DSCAM: variants seen among roughly 807,000 people sequenced by gnomAD.
DSCAM encodes the protein cell adhesion molecule DSCAM.
A neutral mutation model predicts 217.7 loss-of-function variants in DSCAM; 47 were observed. That is an observed-to-expected ratio of 0.22 (90% CI 0.17 to 0.28). The LOEUF is 0.28. Among genes scored for constraint, DSCAM ranks in the 10% least tolerant of loss-of-function variants. The pLI is 1.00. For missense variants in DSCAM, 2,080 were observed against 2,618.3 expected (o/e 0.79, Z 4.49); for synonymous variants, 1,056 against 1,015.3 (o/e 1.04, Z -0.76).
intron 27 of DSCAM, 67 bp downstream of exon 27, chr21:40,074,970 G>A (rs1398508432): frequency 2.0e-6 from 3 of 1,534,308 alleles, no homozygotes; most frequent in Non-Finnish European, 2.7e-6. Flanking sequence ...TCTCCAGCTG[G>A]CATCTCTCCC....
chr21:40,278,199 T>G (rs1341994399), intron 10 of DSCAM, among the ~76,000 whole-genome samples: 1 of 152,166 alleles, frequency 6.6e-6, no homozygotes, highest in Admixed American at 6.5e-5. Flanking sequence ...CACTGAAAAT[T>G]GTAAAAGTTG....
At chr21:40,224,533 G>C (rs1178726565) in intron 11 of DSCAM, among the ~76,000 whole-genome samples, 2 of 152,176 alleles carry the variant, frequency 1.3e-5, no homozygotes, top group African/African-American at 4.8e-5. Flanking sequence ...GCTCTATGAT[G>C]GGGAAAGACT....
chr21:40,529,579 G>A, intron 3 of DSCAM, among the ~76,000 whole-genome samples: 1 of 151,930 alleles, frequency 6.6e-6, no homozygotes, highest in East Asian at 1.9e-4. Context: ...AAAGGATATT[G>A]CACCATCATG....
At chr21:40,306,460 C>T (rs962054524) in intron 9 of DSCAM, among the ~76,000 whole-genome samples, 30 of 148,280 alleles carry the variant, frequency 2.0e-4, no homozygotes, top group African/African-American at 7.2e-4. Flanking sequence ...ATTGCCCTGG[C>T]CAGAACTTCC....
At chr21:40,519,710 T>C (rs1358111604) in intron 3 of DSCAM, among the ~76,000 whole-genome samples, 1 of 152,150 alleles carries the variant, frequency 6.6e-6, no homozygotes, top group African/African-American at 2.4e-5. Context: ...AAATTGTGAC[T>C]CAAGACCATA....
intron 8 of DSCAM, among the ~76,000 whole-genome samples, chr21:40,322,354 C>G (rs978260517): frequency 1.3e-5 from 2 of 152,172 alleles, no homozygotes; most frequent in Non-Finnish European, 2.9e-5. Flanking sequence ...TTTTAAAAAA[C>G]ATCTTAGCAC....
chr21:40,382,019 T>C (rs2123731880), intron 3 of DSCAM, among the ~76,000 whole-genome samples: 1 of 152,350 alleles, frequency 6.6e-6, no homozygotes, highest in South Asian at 2.1e-4. Flanking sequence ...TATCTCTTAC[T>C]GTGAGTCAGA....
chr21:40,315,921 A>G (rs2074191646), intron 8 of DSCAM, among the ~76,000 whole-genome samples: 1 of 152,228 alleles, frequency 6.6e-6, no homozygotes, highest in Admixed American at 6.5e-5. Flanking sequence ...GTGAGAAACT[A>G]AAAGTAAATT....
intron 16 of DSCAM, among the ~76,000 whole-genome samples, chr21:40,158,417 AC>A (rs772169290): frequency 1.3e-5 from 2 of 152,296 alleles, no homozygotes; most frequent in African/African-American, 2.4e-5. Context: ...AAACAAAAAA[AC>A]AAAAGAAAAG....
At chr21:40,496,065 T>C (rs972945482) in intron 3 of DSCAM, among the ~76,000 whole-genome samples, 9 of 152,198 alleles carry the variant, frequency 5.9e-5, no homozygotes, top group South Asian at 2.1e-4. Context: ...TGTTTATGGA[T>C]TGGAATAATT....
intron 3 of DSCAM, among the ~76,000 whole-genome samples, chr21:40,579,016 G>C (rs1337726665): frequency 6.6e-6 from 1 of 152,194 alleles, no homozygotes. Context: ...AATATGCATT[G>C]TGCAAAACAC....
At chr21:40,487,580 A>G (rs2076040847) in intron 3 of DSCAM, among the ~76,000 whole-genome samples, 1 of 152,192 alleles carries the variant, frequency 6.6e-6, no homozygotes, top group Non-Finnish European at 1.5e-5. Context: ...GCAGAGGGAT[A>G]CATGAGAAGA....
intron 20 of DSCAM, among the ~76,000 whole-genome samples, chr21:40,114,928 G>A (rs2089949036): frequency 1.3e-5 from 2 of 152,316 alleles, no homozygotes; most frequent in South Asian, 4.1e-4. Flanking sequence ...GTGTTGGAGA[G>A]GATGTGGAGA....
intron 3 of DSCAM, among the ~76,000 whole-genome samples, chr21:40,373,112 G>T (rs1405746215): frequency 6.6e-6 from 1 of 152,182 alleles, no homozygotes; most frequent in Non-Finnish European, 1.5e-5. Flanking sequence ...CTGAAACTCA[G>T]GCACAACACC....
At chr21:40,657,452 A>G (rs1421763540) in intron 3 of DSCAM, among the ~76,000 whole-genome samples, 1 of 152,240 alleles carries the variant, frequency 6.6e-6, no homozygotes, top group Non-Finnish European at 1.5e-5. Flanking sequence ...AAAAAGCAAC[A>G]TTAGTGGGCT....
In DSCAM at chr21:40,149,705, C is replaced by T. The variant is rs1455624698; in HGVS notation, c.3019-4974G>A. 8.0e-5 allele frequency among the ~76,000 whole-genome samples: 12 copies of T among 149,124 alleles called. 1 individual carries two copies. The highest frequency in any genetic ancestry group is 2.5e-4 in the African/African-American group (10 of 39,756). On this transcript the variant is annotated intron_variant, in intron 16 of 32. Coordinates refer to ENST00000400454, the MANE Select transcript of DSCAM (RefSeq NM_001389.5). ...CCACCATCACTATCACCACCACCAT[C>T]CATTACTTCTTCACTATCCCAACAC...
chr21:40,641,134 G>A (rs1044821767), intron 3 of DSCAM, among the ~76,000 whole-genome samples: 10 of 152,116 alleles, frequency 6.6e-5, no homozygotes, highest in Admixed American at 2.0e-4. Context: ...GTAACTCAGC[G>A]TTTATTTTGC....
intron 11 of DSCAM, among the ~76,000 whole-genome samples, chr21:40,230,970 T>C (rs2091376046): frequency 6.6e-6 from 1 of 150,968 alleles, no homozygotes; most frequent in Admixed American, 6.6e-5. Context: ...GGCTGCAGCA[T>C]GCCCAATCCA....
rs77020434 is a variant in DSCAM, at chr21:40,178,096, G to A, written c.2947+831C>T. Among the ~76,000 whole-genome samples, 500 of 152,308 alleles carry A rather than the reference G, an allele frequency of 3.3e-3. 1 individual carries two copies. The highest frequency in any genetic ancestry group is 6.2e-3 in the Non-Finnish European group (420 of 68,022). Reference sequence around the variant, plus strand: ...CAATCCTTGTGGATGAAACCCAAGCGCAGTGGCTTCCTCTCCTCCTGCCAG... The same window carrying A: ...CAATCCTTGTGGATGAAACCCAAGCACAGTGGCTTCCTCTCCTCCTGCCAG... On this transcript the variant is annotated intron_variant, in intron 15 of 32. Coordinates refer to ENST00000400454, the MANE Select transcript of DSCAM (RefSeq NM_001389.5).
Sources: allele counts gnomAD v4.1 joint callset (sites outside exome capture counted in the v4.1 genomes callset), GRCh38; gene constraint gnomAD v4.1.1; transcripts MANE v1.5; gene names NCBI Gene and HGNC (gene_info 2026-07-23, HGNC 2026-07-21).